The following POLDIP3 variants were observed in gnomAD, a reference collection of about 807,000 sequenced individuals.
POLDIP3 encodes polymerase delta-interacting protein 3.
POLDIP3 carries 14 observed loss-of-function variants against 45.1 expected under a neutral mutation model. That is an observed-to-expected ratio of 0.31 (90% CI 0.20 to 0.49). The LOEUF is 0.49. POLDIP3 is among the 20% of genes least tolerant of loss of function. The pLI is 0.99. For synonymous variants in POLDIP3, 223 were observed against 205.2 expected, an observed-to-expected ratio of 1.09 and a Z score of -0.74; for missense variants, 511 against 538.8, an observed-to-expected ratio of 0.95 and a Z score of 0.51.
intron 6 of POLDIP3, among the ~76,000 whole-genome samples, chr22:42,594,410 C>T (rs532993752): frequency 6.6e-6 from 1 of 152,282 alleles, no homozygotes; most frequent in Non-Finnish European, 1.5e-5. Context: ...ACTCGGGAGG[C>T]TGAGGCAGGA....
At chr22:42,601,853 C>A in intron 3 of POLDIP3, 117 bp downstream of exon 3, 1 of 1,252,616 alleles carries the variant, frequency 8.0e-7, no homozygotes, top group Middle Eastern at 2.0e-4. Context: ...CTGGGAACTA[C>A]CAACTGAGCA....
intron 4 of POLDIP3, chr22:42,597,850 G>A (rs1926096112): frequency 2.9e-5 from 12 of 418,654 alleles, no homozygotes; most frequent in South Asian, 1.9e-4. Flanking sequence ...GCGCAATCTT[G>A]GCTCACTGCA....
intron 7 of POLDIP3, 72 bp downstream of exon 7, chr22:42,591,883 T>C (rs1925687182): frequency 2.5e-6 from 4 of 1,595,030 alleles, no homozygotes; most frequent in East Asian, 2.2e-5. Context: ...AGACTTCCCC[T>C]GGAAGGCCTG....
intron 7 of POLDIP3, 27 bp from the exon 8 acceptor site, chr22:42,587,599 T>C: frequency 6.2e-7 from 1 of 1,601,156 alleles, no homozygotes; most frequent in Non-Finnish European, 8.6e-7. Flanking sequence ...AGAAAAAGGC[T>C]CTGCTATGAG....
At chr22:42,598,817 C>T (rs574851476) in intron 4 of POLDIP3, among the ~76,000 whole-genome samples, 1 of 152,318 alleles carries the variant, frequency 6.6e-6, no homozygotes, top group South Asian at 2.1e-4. Flanking sequence ...AGCCCACTGG[C>T]CTCCCTGTCT....
intron 7 of POLDIP3, among the ~76,000 whole-genome samples, chr22:42,590,083 G>A (rs893388907): frequency 6.6e-6 from 1 of 152,048 alleles, no homozygotes; most frequent in Non-Finnish European, 1.5e-5. Flanking sequence ...TGGGTCAAAG[G>A]AGAAATCACA....
intron 1 of POLDIP3, among the ~76,000 whole-genome samples, chr22:42,606,814 A>G (rs979065712): frequency 2.6e-5 from 4 of 152,176 alleles, no homozygotes; most frequent in African/African-American, 9.7e-5. Flanking sequence ...CATCTTATAA[A>G]TGAGGAAACT....
In POLDIP3 at chr22:42,601,974, T is replaced by A; in HGVS notation, c.533A>T (p.Lys178Ile). 1 of 1,613,848 alleles carries A rather than the reference T, an allele frequency of 6.2e-7. No individual in the cohort carries two copies. ...RINVVNNHQA[K>I]QNLYDLDEDD... ...TCTCTCACTCACTCACTCTACCTGT[T>A]TGGCCTGGTGGTTATTGACAACATT... The change falls in exon 3 of 9, where the codon AAA becomes ATA. Residue 178 changes from lysine to isoleucine, a missense_variant. By Grantham distance (102) the Lys-to-Ile change is moderately radical. Coordinates refer to ENST00000252115, the MANE Select transcript of POLDIP3 (RefSeq NM_032311.5).
chr22:42,600,163 C>T (rs569947417), intron 3 of POLDIP3, among the ~76,000 whole-genome samples: 61 of 152,264 alleles, frequency 4.0e-4, no homozygotes, highest in African/African-American at 1.4e-3. Flanking sequence ...CAAAGATGTT[C>T]ACAGCAGAAG....
chr22:42,589,649 T>C (rs1272092239), intron 7 of POLDIP3, among the ~76,000 whole-genome samples: 2 of 151,888 alleles, frequency 1.3e-5, no homozygotes, highest in East Asian at 1.9e-4. Flanking sequence ...ATCAAGACCA[T>C]CCTGGCTGAC....
intron 1 of POLDIP3, among the ~76,000 whole-genome samples, chr22:42,614,280 AAACTT>A (rs1419954709): frequency 1.3e-5 from 2 of 152,214 alleles, no homozygotes; most frequent in Non-Finnish European, 2.9e-5. Flanking sequence ...AGGGCTCAGA[AAACTT>A]AAAACGCCGC....
At chr22:42,609,581 G>T (rs1455278929) in intron 1 of POLDIP3, among the ~76,000 whole-genome samples, 3 of 152,076 alleles carry the variant, frequency 2.0e-5, no homozygotes, top group Non-Finnish European at 4.4e-5. Flanking sequence ...TCAGGCCCAT[G>T]AAGTGGGGCC....
chr22:42,589,631 G>A (rs1422961321), intron 7 of POLDIP3, among the ~76,000 whole-genome samples: 1 of 152,014 alleles, frequency 6.6e-6, no homozygotes, highest in Non-Finnish European at 1.5e-5. Context: ...CCAACATGAG[G>A]TCAGGAAATC....
intron 7 of POLDIP3, among the ~76,000 whole-genome samples, chr22:42,588,855 CA>C (rs1299105697): frequency 1.3e-5 from 2 of 152,080 alleles, no homozygotes; most frequent in East Asian, 3.9e-4. Context: ...CTCGAACTCC[CA>C]ATCAGGTGAT....
chr22:42,586,033 C>T lies in POLDIP3; in HGVS notation c.1089-65G>A, dbSNP rs1165357708. ...TTTCCTTAGATGGGGAGGGGACCCA[C>T]CATTTACTGGGCATCTGTCATGAGC... On this transcript the variant is annotated intron_variant, in intron 8 of 8. Transcript: ENST00000252115. 4 of 1,448,182 alleles carry T rather than the reference C, an allele frequency of 2.8e-6. No homozygotes were observed. The African/African-American group carries it at 4.3e-5, about 15-fold the overall frequency. The allele number at this position is 1,448,182 out of a possible 1,614,324, so 89.7% of individuals were successfully genotyped here. A position where few individuals can be genotyped will look rare whatever the true frequency, so the allele number is the denominator to read the frequency against.
intron 3 of POLDIP3, among the ~76,000 whole-genome samples, chr22:42,601,579 GGT>G (rs1926378122): frequency 6.6e-6 from 1 of 151,756 alleles, no homozygotes; most frequent in African/African-American, 2.4e-5. Flanking sequence ...TAGCCAACAT[GGT>G]GAAACCCCAT....
intron 7 of POLDIP3, among the ~76,000 whole-genome samples, chr22:42,589,178 C>T (rs1021266649): frequency 1.3e-5 from 2 of 150,338 alleles, no homozygotes; most frequent in Non-Finnish European, 1.5e-5. Flanking sequence ...GGGAGGAAGA[C>T]GTTGCAGTGA....
intron 7 of POLDIP3, among the ~76,000 whole-genome samples, chr22:42,591,052 C>T (rs1225735743): frequency 7.1e-6 from 1 of 140,258 alleles, no homozygotes; most frequent in South Asian, 2.2e-4. Flanking sequence ...CCAGCCTGGG[C>T]AACAGAGAGA....
Position 42,584,880 on chromosome 22 carries a change from T to G in POLDIP3, c.*911A>C, listed in dbSNP as rs1273375608. ...GAGAGCCAGGAACAAACTGACCTCT[T>G]CCATTCAAATAAGCTCCAAACCCAA... On this transcript the variant is annotated 3_prime_UTR_variant, in exon 9 of 9. Coordinates refer to ENST00000252115, the MANE Select transcript of POLDIP3 (RefSeq NM_032311.5). The G allele has an allele frequency of 4.4e-6, 2 of 456,082 alleles. No individual in the cohort carries two copies. The highest frequency in any genetic ancestry group is 4.0e-5 in the African/African-American group (2 of 50,040). The allele number at this position is 456,082 out of a possible 1,614,324, so 28.3% of individuals were successfully genotyped here.
Sources: allele counts gnomAD v4.1 joint callset (sites outside exome capture counted in the v4.1 genomes callset), GRCh38; gene constraint gnomAD v4.1.1; transcripts MANE v1.5; gene names NCBI Gene and HGNC (gene_info 2026-07-23, HGNC 2026-07-21).